NRXN1: variants seen among roughly 807,000 people sequenced by gnomAD.
NRXN1 encodes the protein neurexin-1.
In NRXN1, 39 loss-of-function variants were observed where a neutral mutation model predicts 150.9. The observed-to-expected ratio is 0.26, with a 90% CI of 0.20 to 0.34. The LOEUF (loss-of-function observed/expected upper bound fraction) is 0.34. NRXN1 is among the 10% of genes least tolerant of loss of function. The pLI, the probability that NRXN1 is intolerant of heterozygous loss-of-function variation, is 1.00. For missense variants in NRXN1, 1,815 were observed against 1,949.9 expected, an observed-to-expected ratio of 0.93 and a Z score of 1.30; for synonymous variants, 924 against 757.0, an observed-to-expected ratio of 1.22 and a Z score of -3.62.
intron 17 of NRXN1, among the ~76,000 whole-genome samples, chr2:50,238,281 G>A (rs2065663111): frequency 6.6e-6 from 1 of 151,982 alleles, no homozygotes; most frequent in East Asian, 1.9e-4. Flanking sequence ...TCTTCTGACT[G>A]CTTAAAATGG....
Position 50,401,861 on chromosome 2 carries a change from G to C in NRXN1, c.3364+63581C>G, listed in dbSNP as rs536124210. On this transcript the variant is annotated intron_variant, in intron 17 of 22. Coordinates refer to ENST00000401669, the MANE Select transcript of NRXN1 (RefSeq NM_001330078.2). ...TCAATATCTTGCTATATTCAAAGCT[G>C]GAGATAATCATGCAAACCAGCCAGC... Among the ~76,000 whole-genome samples, 115 of 152,220 alleles carry C rather than the reference G, an allele frequency of 7.6e-4. 1 individual carries two copies. The highest frequency in any genetic ancestry group is 1.9e-3 in the African/African-American group (78 of 41,534).
At chr2:50,306,811 A>G (rs2152959068) in intron 17 of NRXN1, among the ~76,000 whole-genome samples, 1 of 152,272 alleles carries the variant, frequency 6.6e-6, no homozygotes, top group South Asian at 2.1e-4. Context: ...TCTAAACTGA[A>G]GAAAGGAGTA....
At chr2:50,437,605 G>A (rs1413799597) in intron 17 of NRXN1, among the ~76,000 whole-genome samples, 1 of 152,080 alleles carries the variant, frequency 6.6e-6, no homozygotes, top group Non-Finnish European at 1.5e-5. Flanking sequence ...GTGGGGAGAA[G>A]AGAAGGAAGG....
intron 21 of NRXN1, among the ~76,000 whole-genome samples, chr2:49,992,797 C>T (rs1682230454): frequency 6.6e-6 from 1 of 152,110 alleles, no homozygotes. Flanking sequence ...GGCAATTGAG[C>T]ACATGAAAGA....
chr2:50,195,001 C>T (rs1013349906), intron 18 of NRXN1, among the ~76,000 whole-genome samples: 5 of 152,130 alleles, frequency 3.3e-5, no homozygotes, highest in Non-Finnish European at 7.4e-5. Flanking sequence ...AAAATTAATA[C>T]GGCCCTGTAG....
intron 18 of NRXN1, among the ~76,000 whole-genome samples, chr2:50,116,091 T>G (rs1022995295): frequency 5.9e-5 from 9 of 152,126 alleles, no homozygotes; most frequent in Admixed American, 1.3e-4. Flanking sequence ...CAAATTTTAA[T>G]ACAAGGCAAA....
At chr2:50,226,213 T>A (rs2064359284) in intron 18 of NRXN1, among the ~76,000 whole-genome samples, 1 of 152,004 alleles carries the variant, frequency 6.6e-6, no homozygotes, top group Admixed American at 6.6e-5. Context: ...GCATATTAGA[T>A]GGACTTACAT....
At chr2:50,895,286 A>T (rs1681747736) in intron 5 of NRXN1, among the ~76,000 whole-genome samples, 1 of 152,214 alleles carries the variant, frequency 6.6e-6, no homozygotes, top group South Asian at 2.1e-4. Flanking sequence ...AAGGTGATTT[A>T]AAAAGCAGAC....
chr2:50,823,080 A>G (rs1247041441), intron 5 of NRXN1, among the ~76,000 whole-genome samples: 1 of 152,230 alleles, frequency 6.6e-6, no homozygotes, highest in East Asian at 1.9e-4. Flanking sequence ...CCTGGGCACC[A>G]TTACGATTCC....
intron 5 of NRXN1, among the ~76,000 whole-genome samples, chr2:50,729,403 A>G (rs1697797458): frequency 1.3e-5 from 2 of 152,178 alleles, no homozygotes; most frequent in Non-Finnish European, 2.9e-5. Flanking sequence ...TCTGCATAGT[A>G]AGTTGTGCAG....
intron 18 of NRXN1, among the ~76,000 whole-genome samples, chr2:50,176,535 C>CA (rs2060364394): frequency 1.3e-5 from 2 of 152,032 alleles, no homozygotes; most frequent in South Asian, 4.1e-4. Flanking sequence ...CAGACATTGT[C>CA]AAATATACCC....
At chr2:50,103,245 T>C (rs1403808840) in intron 18 of NRXN1, among the ~76,000 whole-genome samples, 1 of 152,038 alleles carries the variant, frequency 6.6e-6, no homozygotes, top group East Asian at 1.9e-4. Context: ...ATGTAACATG[T>C]TTAGTTTCTT....
rs369589292 is a variant in NRXN1 at position 50,227,865 on chromosome 2, A to G, written c.3546+8924T>C. 2.6e-5 allele frequency among the ~76,000 whole-genome samples: 4 copies of G among 152,238 alleles called. No individual in the cohort carries two copies. The East Asian group carries it at 5.8e-4, about 22-fold the overall frequency. ...ATTTGAGATATGGCTAATGTGACCA[A>G]GGAGCTGAATTTTAAAATGTATTTA... On this transcript the variant is annotated intron_variant, in intron 18 of 22. Coordinates refer to ENST00000401669, the MANE Select transcript of NRXN1 (RefSeq NM_001330078.2).
intron 5 of NRXN1, among the ~76,000 whole-genome samples, chr2:50,739,928 T>C (rs1282930267): frequency 1.3e-5 from 2 of 152,302 alleles, no homozygotes; most frequent in African/African-American, 2.4e-5. Flanking sequence ...GAAAAAATTA[T>C]CTGTGATTTA....
chr2:50,547,734 GC>G (rs762933481), intron 9 of NRXN1, among the ~76,000 whole-genome samples: 14 of 152,142 alleles, frequency 9.2e-5, no homozygotes, highest in Non-Finnish European at 1.8e-4. Flanking sequence ...ACTAAATCAT[GC>G]CTGCACTTGG....
At chr2:49,962,631 A>G (rs1676178938) in intron 21 of NRXN1, among the ~76,000 whole-genome samples, 1 of 152,144 alleles carries the variant, frequency 6.6e-6, no homozygotes, top group South Asian at 2.1e-4. Context: ...GAGTAACACA[A>G]GGGAGTCCTG....
intron 8 of NRXN1, 133 bp downstream of exon 8, chr2:50,619,889 A>G (rs1008344639): frequency 1.2e-4 from 89 of 737,536 alleles, no homozygotes; most frequent in Non-Finnish European, 1.8e-4. Context: ...TACATAAACA[A>G]TAGTAGAATA....
At chr2:50,734,392 A>T (rs1698464341) in intron 5 of NRXN1, among the ~76,000 whole-genome samples, 1 of 152,186 alleles carries the variant, frequency 6.6e-6, no homozygotes, top group African/African-American at 2.4e-5. Context: ...CAGGAAAAAC[A>T]AGGGCAGGTC....
At chr2:50,717,691 C>A (rs1696046198) in intron 5 of NRXN1, among the ~76,000 whole-genome samples, 1 of 152,126 alleles carries the variant, frequency 6.6e-6, no homozygotes, top group Non-Finnish European at 1.5e-5. Context: ...TTACTTCTCA[C>A]AGTACAGGAT....
Sources: gnomAD v4.1 joint callset for allele counts (sites outside exome capture counted in the v4.1 genomes callset) on GRCh38, gnomAD v4.1.1 for gene constraint, MANE v1.5 for transcripts, NCBI Gene and HGNC (gene_info 2026-07-23, HGNC 2026-07-21) for gene names.